The following LIPA variants were observed in gnomAD, a reference collection of about 807,000 sequenced individuals.
The protein encoded by LIPA is lipase A, lysosomal acid type, also known as lysosomal acid lipase/cholesteryl ester hydrolase.
A neutral mutation model predicts 40.6 loss-of-function variants in LIPA; 26 were observed. The ratio of observed to expected loss-of-function variants is 0.64; its 90% confidence interval spans 0.47 to 0.89. LIPA has a LOEUF of 0.89. LIPA is among the 40% of genes least tolerant of loss of function. The pLI is 0.00. For missense variants in LIPA, 455 were observed against 479.6 expected (o/e 0.95, Z 0.48); for synonymous variants, 188 against 168.4 (o/e 1.12, Z -0.90).
At chr10:89,382,738 G>A (rs1246132842) in intron 2 of LIPA, among the ~76,000 whole-genome samples, 1 of 152,214 alleles carries the variant, frequency 6.6e-6, no homozygotes. Context: ...TTTAGGATTG[G>A]TTGAGTAAGT....
At chr10:89,265,515 A>G (rs1382449872) in intron 1 of LIPA, among the ~76,000 whole-genome samples, 1 of 152,272 alleles carries the variant, frequency 6.6e-6, no homozygotes. Flanking sequence ...TTTCAGCTAC[A>G]TAAACCAAGT....
chr10:89,396,049 C>G (rs561877151), intron 2 of LIPA, among the ~76,000 whole-genome samples: 36 of 152,214 alleles, frequency 2.4e-4, no homozygotes, highest in African/African-American at 8.4e-4. Context: ...CATCTGTGTG[C>G]AAGTTTTTAT....
At chr10:89,217,977 A>T (rs1157150303) in intron 8 of LIPA, among the ~76,000 whole-genome samples, 2 of 152,192 alleles carry the variant, frequency 1.3e-5, no homozygotes, top group Non-Finnish European at 2.9e-5. Flanking sequence ...TACAAACAGA[A>T]AATGGCTTAC....
intron 5 of LIPA, 39 bp downstream of exon 5, chr10:89,226,856 A>C: frequency 2.5e-6 from 3 of 1,180,880 alleles, no homozygotes; most frequent in Middle Eastern, 2.6e-4. Context: ...TCTGTAATGA[A>C]GAATTTATAT....
intron 2 of LIPA, among the ~76,000 whole-genome samples, chr10:89,372,388 G>A (rs1589624745): frequency 6.6e-6 from 1 of 152,208 alleles, no homozygotes; most frequent in East Asian, 1.9e-4. Context: ...AACACTTCAG[G>A]TTAAAGACCA....
chr10:89,336,516 A>G (rs896515216), intron 1 of LIPA, among the ~76,000 whole-genome samples: 4 of 152,246 alleles, frequency 2.6e-5, no homozygotes, highest in African/African-American at 9.6e-5. Flanking sequence ...ATAATAGATC[A>G]GTACACTTGC....
chr10:89,226,538 T>C (rs1311596912), intron 5 of LIPA, among the ~76,000 whole-genome samples: 1 of 152,228 alleles, frequency 6.6e-6, no homozygotes, highest in East Asian at 1.9e-4. Flanking sequence ...AATGTACCTG[T>C]AGTTAGTTAT....
At chr10:89,361,879 T>A (rs1002797012) in intron 2 of LIPA, among the ~76,000 whole-genome samples, 249 of 33,078 alleles carry the variant, frequency 7.5e-3, no homozygotes, top group Admixed American at 0.011. Context: ...ACCTGCCTTT[T>A]TTTTTTTTTT....
At chr10:89,284,969 T>C (rs1843333976) in intron 1 of LIPA, 2 of 152,016 alleles carry the variant, frequency 1.3e-5, no homozygotes, top group Admixed American at 1.3e-4. Flanking sequence ...AATTTTCCAC[T>C]ATCTACCCAA....
upstream of LIPA, among the ~76,000 whole-genome samples, chr10:89,343,159 A>G (rs1843887076): frequency 6.6e-6 from 1 of 152,252 alleles, no homozygotes; most frequent in Non-Finnish European, 1.5e-5. Context: ...TAACAAATTT[A>G]CTTAATCAAA....
intron 1 of LIPA, among the ~76,000 whole-genome samples, chr10:89,289,936 C>G (rs551494200): frequency 2.7e-5 from 4 of 149,938 alleles, no homozygotes; most frequent in Non-Finnish European, 4.4e-5. Context: ...CAATTGCTGG[C>G]TTTGCATTTC....
intron 9 of LIPA, among the ~76,000 whole-genome samples, chr10:89,215,271 C>T (rs1278790880): frequency 6.6e-6 from 1 of 152,190 alleles, no homozygotes; most frequent in Non-Finnish European, 1.5e-5. Flanking sequence ...ATTATAATCG[C>T]CACTAGCTGT....
chr10:89,411,186 G>GATTTA (rs140716770), intron 2 of LIPA, among the ~76,000 whole-genome samples: 2 of 148,498 alleles, frequency 1.3e-5, no homozygotes, highest in Admixed American at 1.3e-4. Flanking sequence ...TTTCCTAACA[G>GATTTA]GGGATCTAAA....
intron 1 of LIPA, chr10:89,339,050 G>GTATTGAA: frequency 6.2e-7 from 1 of 1,614,116 alleles, no homozygotes. Context: ...AATCCATACA[G>GTATTGAA]TATTGAGTAT....
intron 1 of LIPA, chr10:89,327,979 C>T (rs1400709031): frequency 7.5e-7 from 1 of 1,332,672 alleles, no homozygotes. Flanking sequence ...TATATAGTTC[C>T]TTCAGTATTT....
intron 2 of LIPA, among the ~76,000 whole-genome samples, chr10:89,373,887 A>C (rs1241235006): frequency 6.6e-6 from 1 of 152,216 alleles, no homozygotes; most frequent in Non-Finnish European, 1.5e-5. Flanking sequence ...GTAACAGACC[A>C]TATCCTGAGT....
intron 2 of LIPA, chr10:89,383,528 T>G (rs1214706169): frequency 6.2e-7 from 1 of 1,614,100 alleles, no homozygotes. Context: ...GAGGAAGCCC[T>G]GGTCAGCTTG....
intron 8 of LIPA, among the ~76,000 whole-genome samples, chr10:89,217,760 A>G (rs1842645961): frequency 6.6e-6 from 1 of 152,240 alleles, no homozygotes; most frequent in African/African-American, 2.4e-5. Flanking sequence ...TCTGTGTTTT[A>G]TTACATCAAA....
chr10:89,363,358 G>C (rs1844034752), intron 2 of LIPA: 2 of 152,172 alleles, frequency 1.3e-5, no homozygotes, highest in Admixed American at 6.5e-5. Flanking sequence ...AAAAAGTTGA[G>C]GACATTTACC....
Sources: allele counts gnomAD v4.1 joint callset (sites outside exome capture counted in the v4.1 genomes callset), GRCh38; gene constraint gnomAD v4.1.1; transcripts MANE v1.5; gene names NCBI Gene and HGNC (gene_info 2026-07-23, HGNC 2026-07-21).